The following BRD4 variants were observed in gnomAD, a reference collection of about 807,000 sequenced individuals.
BRD4 encodes bromodomain containing 4.
In BRD4, 16 loss-of-function variants were observed where a neutral mutation model predicts 142.1. That is an observed-to-expected ratio of 0.11 (90% CI 0.08 to 0.17). The LOEUF is 0.17. BRD4 is among the 10% of genes least tolerant of loss of function. The pLI, the probability that BRD4 is intolerant of heterozygous loss-of-function variation, is 1.00. For missense variants in BRD4, 1,424 were observed against 1,810.9 expected, an observed-to-expected ratio of 0.79 and a Z score of 3.88; for synonymous variants, 833 against 707.5, an observed-to-expected ratio of 1.18 and a Z score of -2.82.
intron 1 of BRD4, among the ~76,000 whole-genome samples, chr19:15,299,241 GA>G: frequency 6.6e-6 from 1 of 152,294 alleles, no homozygotes; most frequent in African/African-American, 2.4e-5. Flanking sequence ...ATCACATAGA[GA>G]ATGAACAGAA....
At chr19:15,319,871 G>A (rs181243334) in intron 1 of BRD4, among the ~76,000 whole-genome samples, 80 of 151,412 alleles carry the variant, frequency 5.3e-4, no homozygotes, top group African/African-American at 1.8e-3. Flanking sequence ...GGGAGGCTGA[G>A]ACTACAGTTA....
intron 6 of BRD4, chr19:15,264,062 T>TG (rs1274883667): frequency 3.6e-6 from 1 of 274,122 alleles, no homozygotes; most frequent in Non-Finnish European, 6.9e-6. Flanking sequence ...ACAAAGAGGC[T>TG]GGCAAGGCCG....
rs75977631 is a variant in BRD4, at chr19:15,278,819, T to C, written c.-34-5686A>G. Among the ~76,000 whole-genome samples, 302 of 152,306 alleles carry C rather than the reference T, an allele frequency of 2.0e-3. 1 individual carries two copies. Among genetic ancestry groups the C allele is most frequent in the South Asian group, 0.012 (59 of 4,828 alleles). Reference sequence around the variant, plus strand: ...AATGTAAATTTTCCCTCTAAATTCATAGACCTCTGATTAAGCATGCCTGTT... The same window carrying C: ...AATGTAAATTTTCCCTCTAAATTCACAGACCTCTGATTAAGCATGCCTGTT... On this transcript the variant is annotated intron_variant, in intron 1 of 19. Transcript: ENST00000679869.
In BRD4 at chr19:15,257,029, T is replaced by C. The variant is rs992384766; in HGVS notation, c.1486A>G (p.Ser496Gly). The stretch of plus-strand genomic sequence containing the variant: ...TCAGAGTCATCAGTCGAACTGTCAC[T>C]GTCCGAGGAGCTATCGCTGCTGCTG... ...SDSSSDSSSD[S>G]DSSTDDSEEE... The change falls in exon 8 of 20, where the codon AGT (serine) becomes GGT (glycine). Residue 496 changes from serine to glycine, a missense_variant. Ser to Gly is a moderately conservative substitution (Grantham distance 56, BLOSUM62 0). Around this residue, in one of 16 missense-constraint regions of BRD4, gnomAD observed 90 missense variants for 93.2 expected, o/e 0.97. Coordinates refer to ENST00000679869, the MANE Select transcript of BRD4 (RefSeq NM_001379291.1). 6.3e-7 allele frequency: 1 copy of C among 1,596,100 alleles called. No individual in the cohort carries two copies. The highest frequency in any genetic ancestry group is 8.5e-7 in the Non-Finnish European group (1 of 1,173,032).
At chr19:15,302,658 G>A (rs1460947147) in intron 1 of BRD4, among the ~76,000 whole-genome samples, 2 of 83,364 alleles carry the variant, frequency 2.4e-5, no homozygotes, top group Non-Finnish European at 4.1e-5. Context: ...AACTGAGCAA[G>A]ACTCCGACTC....
rs751470455 is a variant in BRD4 at position 15,254,243 on chromosome 19, A to C, written c.2067T>G (p.Ile689Met). Residue 689 changes from isoleucine to methionine, a missense_variant, in exon 11 of 20, where the codon ATT (isoleucine) becomes ATG (methionine). Ile to Met is a conservative substitution (Grantham distance 10). This residue lies in a region of BRD4 where 598 missense variants were observed against 647.8 expected (regional missense o/e 0.92). Transcript: ENST00000679869. ...AGCCCTTCATCTTGGAGGAGCCGGC[A>C]ATCACATCAACTTTCTCAGCTGCAA... ...RKPQAEKVDV[I>M]AGSSKMKGFS... 3 of 1,614,190 alleles carry C rather than the reference A, an allele frequency of 1.9e-6. No individual in the cohort carries two copies. The highest frequency in any genetic ancestry group is 2.5e-6 in the Non-Finnish European group (3 of 1,180,028).
chr19:15,254,319 T>A (rs2047382963), intron 10 of BRD4, 57 bp from the exon 11 acceptor site: 1 of 1,435,674 alleles, frequency 7.0e-7, no homozygotes, highest in African/African-American at 1.4e-5. Context: ...GAAGCCGCTC[T>A]AAGCCATGGG....
At chr19:15,312,150 T>C (rs775118495) in intron 1 of BRD4, among the ~76,000 whole-genome samples, 4 of 152,176 alleles carry the variant, frequency 2.6e-5, no homozygotes, top group Admixed American at 2.0e-4. Context: ...CTGGGTCAAA[T>C]GAAATGCCAC....
chr19:15,263,155 G>A (rs1347039421), intron 7 of BRD4, among the ~76,000 whole-genome samples: 1 of 152,230 alleles, frequency 6.6e-6, no homozygotes, highest in Non-Finnish European at 1.5e-5. Flanking sequence ...ACTGGGCCAT[G>A]CACAGCACAC....
At position 15,239,552 on chromosome 19, in the gene BRD4, CCCACCTCACCCCAGTGGGGCATGGT is replaced by C. The variant is rs1568376137; in HGVS notation, c.3446-55_3446-31del. ...AACATAAACAGCCGGTGGGCCCTGG[CCCACCTCACCCCAGTGGGGCATGGT>C]CCACCAGCCCCACAGCAAGCTTATG... is the stretch of plus-strand genomic sequence containing the variant. On this transcript the variant is annotated intron_variant, in intron 16 of 19. Transcript: ENST00000679869. This position sits in a 1 kb window ranked among gnomAD's most constrained non-coding sequence, Gnocchi z 7.4. 5.0e-6 allele frequency: 8 copies of C among 1,589,698 alleles called. No individual in the cohort carries two copies. The highest frequency in any genetic ancestry group is 6.8e-6 in the Non-Finnish European group (8 of 1,170,858).
Position 15,239,047 on chromosome 19 carries a change from A to G in BRD4, c.3782+12T>C, listed in dbSNP as rs2145499419. The G allele has an allele frequency of 6.3e-7, 1 of 1,580,816 alleles. No homozygotes were observed. Among genetic ancestry groups the G allele is most frequent in the Non-Finnish European group, 8.6e-7 (1 of 1,167,416 alleles). ...CCAAGAGTCCCCATGCCCCACCCAGACACCCGCCCACCTCATGCGCTCCTG... is the reference window on the plus strand; with the variant it reads ...CCAAGAGTCCCCATGCCCCACCCAGGCACCCGCCCACCTCATGCGCTCCTG... On this transcript the variant is annotated intron_variant, in intron 18 of 19. Coordinates refer to ENST00000679869, the MANE Select transcript of BRD4 (RefSeq NM_001379291.1). This position sits in a 1 kb window ranked among gnomAD's most constrained non-coding sequence, Gnocchi z 7.4.
chr19:15,237,248 G>GGGC lies in BRD4; in HGVS notation c.*1128_*1129insGCC, dbSNP rs2047199706. The GGGC allele has an allele frequency of 2.6e-5, 3 of 115,554 alleles. No individual in the cohort carries two copies. In the East Asian group the frequency reaches 5.8e-4, roughly 22 times the overall value. The allele number at this position is 115,554 out of a possible 1,614,324, so 7.2% of individuals were successfully genotyped here. A position where few individuals can be genotyped will look rare whatever the true frequency, so the allele number is the denominator to read the frequency against. On this transcript the variant is annotated 3_prime_UTR_variant, in exon 20 of 20. Coordinates refer to ENST00000679869, the MANE Select transcript of BRD4 (RefSeq NM_001379291.1). ...AACAAAAAAGCCAACAAATGGGTGGGGGGGGGGGGGGTGGAGGGGAAAGAA... is the reference window on the plus strand; with the variant it reads ...AACAAAAAAGCCAACAAATGGGTGGGGGCGGGGGGGGGGGTGGAGGGGAAAGAA...
chr19:15,316,824 G>A (rs2048022153), intron 1 of BRD4, among the ~76,000 whole-genome samples: 1 of 152,156 alleles, frequency 6.6e-6, no homozygotes, highest in Non-Finnish European at 1.5e-5. Context: ...ACACTGGTGA[G>A]CACCTCCAAG....
At position 15,305,398 on chromosome 19, in the gene BRD4, T is replaced by C. The variant is rs544292965; in HGVS notation, c.-35+26892A>G. 4.5e-4 allele frequency among the ~76,000 whole-genome samples: 68 copies of C among 152,352 alleles called. 1 individual carries two copies. The South Asian group carries it at 0.013, about 30-fold the overall frequency. ...AAGGTGAAACTGATCCATGGGCTGC[T>C]GTATGGATGTTTTAGCAGGCACGAA... On this transcript the variant is annotated intron_variant, in intron 1 of 19. Coordinates refer to ENST00000679869, the MANE Select transcript of BRD4 (RefSeq NM_001379291.1).
At chr19:15,243,622 C>T in intron 13 of BRD4, 135 bp from the exon 14 acceptor site, 1 of 1,374,698 alleles carries the variant, frequency 7.3e-7, no homozygotes, top group Non-Finnish European at 9.5e-7. Context: ...TCCCTCCCCA[C>T]CTACCGTGGC....
At position 15,244,330 on chromosome 19, in the gene BRD4, G is replaced by A. The variant is rs1276092119; in HGVS notation, c.2482C>T (p.Leu828=). ...GGCAGCTCAGGCTGCGGCAGGTGCA[G>A]GATGGGCTGGGTGAAGTGGCCGATG... The part of the protein sequence containing the change: ...DPIGHFTQPI[L]HLPQPELPPH... The change falls in exon 13 of 20, where the codon CTG becomes TTG. Residue 828 remains leucine (L), a synonymous_variant. Coordinates refer to ENST00000679869, the MANE Select transcript of BRD4 (RefSeq NM_001379291.1). 1.1e-5 allele frequency: 18 copies of A among 1,599,794 alleles called. No homozygotes were observed. Among genetic ancestry groups the A allele is most frequent in the Non-Finnish European group, 1.5e-5 (18 of 1,175,578 alleles).
chr19:15,278,575 T>C (rs1278648117), intron 1 of BRD4, among the ~76,000 whole-genome samples: 1 of 145,316 alleles, frequency 6.9e-6, no homozygotes, highest in African/African-American at 2.5e-5. Flanking sequence ...GAAATAACTA[T>C]GGTTATGTAA....
At position 15,282,332 on chromosome 19, in the gene BRD4, A is replaced by G. The variant is rs79351123; in HGVS notation, c.-34-9199T>C. On this transcript the variant is annotated intron_variant, in intron 1 of 19. Transcript: ENST00000679869. ...TGTGATGTTACATCAGAAATGCAGG[A>G]TGCAAAATTACAGATGAAATTAGGT... Among the ~76,000 whole-genome samples, 760 of 152,380 alleles carry G rather than the reference A, an allele frequency of 5.0e-3. 5 individuals are homozygous for G. Among genetic ancestry groups the G allele is most frequent in the African/African-American group, 0.017 (727 of 41,578 alleles).
chr19:15,311,372 C>T (rs778949005), intron 1 of BRD4, among the ~76,000 whole-genome samples: 22 of 152,210 alleles, frequency 1.4e-4, no homozygotes, highest in Non-Finnish European at 2.9e-4. Context: ...TTCACAACAG[C>T]CAAGAGGTGG....
Sources: allele counts gnomAD v4.1 joint callset (sites outside exome capture counted in the v4.1 genomes callset), GRCh38; gene constraint gnomAD v4.1.1; regional missense constraint gnomAD v4.1.1; non-coding constraint Gnocchi (gnomAD v3.1); transcripts MANE v1.5; gene names NCBI Gene and HGNC (gene_info 2026-07-23, HGNC 2026-07-21).